The following LRRTM3 variants were observed in gnomAD, a reference collection of about 807,000 sequenced individuals.
The protein encoded by LRRTM3 is leucine rich repeat transmembrane neuronal 3.
A neutral mutation model predicts 44.7 loss-of-function variants in LRRTM3; 24 were observed. The ratio of observed to expected loss-of-function variants is 0.54; its 90% confidence interval spans 0.39 to 0.76. LRRTM3 has a LOEUF of 0.76. LRRTM3 is among the 30% of genes least tolerant of loss of function. LRRTM3 has a pLI of 0.00. For synonymous variants in LRRTM3, 277 were observed against 278.7 expected (o/e 0.99, Z 0.06); for missense variants, 587 against 702.2 (o/e 0.84, Z 1.85).
chr10:67,078,457 T>C (rs1856852884), intron 2 of LRRTM3, among the ~76,000 whole-genome samples: 1 of 152,162 alleles, frequency 6.6e-6, no homozygotes, highest in Admixed American at 6.5e-5. Context: ...CCTTAAATTA[T>C]TTAGGAAAAC....
At chr10:67,086,480 C>T (rs1417101876) in intron 2 of LRRTM3, among the ~76,000 whole-genome samples, 4 of 152,000 alleles carry the variant, frequency 2.6e-5, no homozygotes, top group Non-Finnish European at 4.4e-5. Context: ...ATGTCAGCTG[C>T]TTGGGTTCAG....
chr10:67,052,046 C>T (rs949616519), intron 2 of LRRTM3, among the ~76,000 whole-genome samples: 3 of 152,132 alleles, frequency 2.0e-5, no homozygotes, highest in East Asian at 3.9e-4. Flanking sequence ...TGAGCCACCA[C>T]GCCTGGCCTA....
Position 66,981,523 on chromosome 10 carries a change from A to G in LRRTM3, c.1536+53071A>G, listed in dbSNP as rs570768383. On this transcript the variant is annotated intron_variant, in intron 2 of 2. Transcript: ENST00000361320. ...CTTTCTCCTCCTCCTCATTTACAGC[A>G]TATCTCCATTGCACTTCTGGCCAAC... Among the ~76,000 whole-genome samples the G allele has an allele frequency of 1.6e-4, 25 of 152,206 alleles. No individual in the cohort carries two copies. In the South Asian group the frequency reaches 2.9e-3, roughly 18 times the overall value.
At position 67,097,711 on chromosome 10, in the gene LRRTM3, T is replaced by C. The variant is rs1858094415; in HGVS notation, c.1661T>C (p.Met554Thr). The part of the protein sequence containing the change: ...SFETNAQEDT[M>T]ETHLETELDL... ...GAAACGAATGCACAGGAAGATACGA[T>C]GGAAACACACCTAGAGACTGAGCTG... is the stretch of plus-strand genomic sequence containing the variant. Residue 554 changes from methionine (M) to threonine (T), a missense_variant, in exon 3 of 3, where the codon ATG becomes ACG. Physicochemically the swap from Met to Thr is moderately conservative, Grantham distance 81 (BLOSUM62 -1). Around this residue, in one of 3 missense-constraint regions of LRRTM3, gnomAD observed 315 missense variants for 335.6 expected, o/e 0.94. Transcript: ENST00000361320. 1.2e-6 allele frequency: 2 copies of C among 1,612,704 alleles called. No homozygotes were observed. The highest frequency in any genetic ancestry group is 1.7e-6 in the Non-Finnish European group (2 of 1,179,066).
chr10:67,058,358 G>A (rs1342829336), intron 2 of LRRTM3, among the ~76,000 whole-genome samples: 2 of 152,142 alleles, frequency 1.3e-5, no homozygotes, highest in Non-Finnish European at 2.9e-5. Flanking sequence ...TATTACATTG[G>A]TTTCAAGAGA....
intron 2 of LRRTM3, among the ~76,000 whole-genome samples, chr10:67,066,311 G>C (rs185581719): frequency 7.3e-5 from 11 of 150,182 alleles, no homozygotes; most frequent in Admixed American, 6.7e-4. Context: ...TCCTGCCTCA[G>C]CCTCCCAAGT....
At chr10:67,044,757 G>T (rs1854620101) in intron 2 of LRRTM3, among the ~76,000 whole-genome samples, 1 of 152,090 alleles carries the variant, frequency 6.6e-6, no homozygotes, top group Non-Finnish European at 1.5e-5. Context: ...ATTTTGCTCA[G>T]CAAAAAGCAT....
chr10:66,977,672 TTAAA>T (rs1850128096), intron 2 of LRRTM3, among the ~76,000 whole-genome samples: 1 of 152,170 alleles, frequency 6.6e-6, no homozygotes, highest in Non-Finnish European at 1.5e-5. Context: ...GTTTTAAAGG[TTAAA>T]TAAATCTTCA....
rs143107016 is a variant in LRRTM3 at position 66,944,817 on chromosome 10, C to T, written c.1536+16365C>T. ...GCAGGCATGAAAACAACATTAATCT[C>T]CATGTATATGTCCATCAGAGCTCTT... On this transcript the variant is annotated intron_variant, in intron 2 of 2. Coordinates refer to ENST00000361320, the MANE Select transcript of LRRTM3 (RefSeq NM_178011.5). 4.0e-3 allele frequency among the ~76,000 whole-genome samples: 613 copies of T among 152,302 alleles called. 7 individuals carry two copies. Among genetic ancestry groups the T allele is most frequent in the Non-Finnish European group, 5.8e-3 (394 of 68,016 alleles).
chr10:66,953,853 C>T (rs1457946173), intron 2 of LRRTM3, among the ~76,000 whole-genome samples: 2 of 152,088 alleles, frequency 1.3e-5, no homozygotes, highest in Non-Finnish European at 2.9e-5. Flanking sequence ...CAAATCTCAA[C>T]CAGAAGAGCT....
At chr10:66,970,324 A>G (rs1849646790) in intron 2 of LRRTM3, among the ~76,000 whole-genome samples, 1 of 152,118 alleles carries the variant, frequency 6.6e-6, no homozygotes, top group African/African-American at 2.4e-5. Flanking sequence ...GTTTTACAGC[A>G]CTATCTCTTA....
intron 2 of LRRTM3, among the ~76,000 whole-genome samples, chr10:67,067,450 A>G (rs1199767521): frequency 6.6e-6 from 1 of 152,174 alleles, no homozygotes; most frequent in Admixed American, 6.6e-5. Flanking sequence ...CTATAATAAC[A>G]TTTCCACAAT....
intron 2 of LRRTM3, among the ~76,000 whole-genome samples, chr10:66,974,653 T>A (rs1401281495): frequency 1.3e-5 from 2 of 152,204 alleles, no homozygotes; most frequent in Non-Finnish European, 2.9e-5. Flanking sequence ...TTGGTTCATA[T>A]CATCTACTAA....
intron 2 of LRRTM3, among the ~76,000 whole-genome samples, chr10:66,945,355 T>C (rs1458317215): frequency 6.6e-6 from 1 of 152,232 alleles, no homozygotes; most frequent in African/African-American, 2.4e-5. Context: ...AGATGGCTTC[T>C]TTCTGTAAAC....
chr10:66,979,109 C>CA (rs1021377724), intron 2 of LRRTM3, among the ~76,000 whole-genome samples: 7 of 151,804 alleles, frequency 4.6e-5, no homozygotes, highest in African/African-American at 1.7e-4. Context: ...GGATTACAGG[C>CA]ACCCACCACC....
chr10:67,053,998 C>T (rs748264253), intron 2 of LRRTM3, among the ~76,000 whole-genome samples: 1 of 152,140 alleles, frequency 6.6e-6, no homozygotes, highest in South Asian at 2.1e-4. Context: ...CCCTCCCCTA[C>T]ACGATATCTC....
intron 2 of LRRTM3, among the ~76,000 whole-genome samples, chr10:66,965,868 C>A (rs765254585): frequency 2.0e-5 from 3 of 152,072 alleles, no homozygotes; most frequent in Admixed American, 2.0e-4. Flanking sequence ...TGTGCCTTCC[C>A]ATCATTATAA....
chr10:66,954,487 G>T (rs182669003), intron 2 of LRRTM3, among the ~76,000 whole-genome samples: 2 of 152,202 alleles, frequency 1.3e-5, no homozygotes, highest in African/African-American at 4.8e-5. Context: ...TGCACTACAC[G>T]GTCCCGCAAT....
intron 2 of LRRTM3, among the ~76,000 whole-genome samples, chr10:66,963,619 A>C (rs1340180103): frequency 6.6e-6 from 1 of 152,142 alleles, no homozygotes; most frequent in Admixed American, 6.5e-5. Flanking sequence ...TAACCCTGAC[A>C]GTTCCCACAA....
Sources: allele counts gnomAD v4.1 joint callset (sites outside exome capture counted in the v4.1 genomes callset), GRCh38; gene constraint gnomAD v4.1.1; regional missense constraint gnomAD v4.1.1; transcripts MANE v1.5; gene names NCBI Gene and HGNC (gene_info 2026-07-23, HGNC 2026-07-21).